Variants in FOXN2 observed in about 807,000 individuals in gnomAD.
The protein encoded by FOXN2 is forkhead box N2.
Under a neutral mutation model 41.2 loss-of-function variants are expected in FOXN2, and 19 were observed. That is an observed-to-expected ratio of 0.46 (90% CI 0.32 to 0.68). The LOEUF is 0.68. Ranked by LOEUF, FOXN2 falls within the 30% of genes least tolerant of loss-of-function variation. The pLI, the probability that FOXN2 is intolerant of heterozygous loss-of-function variation, is 0.03. For synonymous variants in FOXN2, 195 were observed against 176.8 expected (o/e 1.10, Z -0.82); for missense variants, 587 against 509.4 (o/e 1.15, Z -1.47).
Position 48,375,573 on chromosome 2 carries a change from T to C in FOXN2, c.*130T>C, listed in dbSNP as rs1236793569. 9.9e-6 allele frequency: 10 copies of C among 1,008,658 alleles called. No individual in the cohort carries two copies. In the East Asian group the frequency reaches 2.1e-4, roughly 21 times the overall value. The allele number at this position is 1,008,658 out of a possible 1,614,324, so 62.5% of individuals were successfully genotyped here. ...CTTATTTCTTTCAAAACATTTTTGGTTTTTGGTTTTTAAAATTTTTATTAA... is the reference window on the plus strand; with the variant it reads ...CTTATTTCTTTCAAAACATTTTTGGCTTTTGGTTTTTAAAATTTTTATTAA... On this transcript the variant is annotated 3_prime_UTR_variant, in exon 7 of 7. Coordinates refer to ENST00000340553, the MANE Select transcript of FOXN2 (RefSeq NM_002158.4).
rs1311631124 is a variant in FOXN2, at chr2:48,346,283, A to T, written c.69A>T (p.Gly23=). Residue 23 remains glycine (G), a synonymous_variant, in exon 3 of 7, where the codon GGA becomes GGT. Transcript: ENST00000340553. ...CCCCAGGAGCTGAAAAGATTGCAGG[A>T]TTAAGCCAGATTTACAAAATGGGAA... is the stretch of plus-strand genomic sequence containing the variant. ...AETPGAEKIA[G]LSQIYKMGSL... 3.1e-6 allele frequency: 5 copies of T among 1,614,188 alleles called. No homozygotes were observed. Among genetic ancestry groups the T allele is most frequent in the Non-Finnish European group, 3.4e-6 (4 of 1,180,022 alleles).
chr2:48,320,065 G>A (rs1558607990), intron 1 of FOXN2, among the ~76,000 whole-genome samples: 2 of 151,758 alleles, frequency 1.3e-5, no homozygotes. Context: ...TCTTAAAAGA[G>A]GAAATACAGA....
At position 48,375,055 on chromosome 2, in the gene FOXN2, A is replaced by G. The variant is rs759531078; in HGVS notation, c.908A>G (p.Asn303Ser). ...AGCATTGATCCAAAAGAAGATCACA[A>G]TTACAGTGCAAGTAGCATGGCAGCA... Reference protein sequence around the residue: ...ATSIDPKEDHNYSASSMAAQR... With the variant: ...ATSIDPKEDHSYSASSMAAQR... Residue 303 changes from asparagine to serine, a missense_variant, in exon 7 of 7, where the codon AAT becomes AGT. Asn to Ser is a conservative substitution (Grantham distance 46). Coordinates refer to ENST00000340553, the MANE Select transcript of FOXN2 (RefSeq NM_002158.4). 5 of 1,613,974 alleles carry G rather than the reference A, an allele frequency of 3.1e-6. No homozygotes were observed. Among genetic ancestry groups the G allele is most frequent in the African/African-American group, 2.7e-5 (2 of 74,936 alleles).
intron 2 of FOXN2, among the ~76,000 whole-genome samples, chr2:48,345,940 A>G (rs760806217): frequency 1.3e-4 from 20 of 152,188 alleles, no homozygotes; most frequent in Admixed American, 2.6e-4. Flanking sequence ...TTTAAAATAC[A>G]CTATTTAATT....
At chr2:48,373,529 A>G (rs1352993519) in intron 6 of FOXN2, among the ~76,000 whole-genome samples, 169 bp downstream of exon 6, 6 of 152,188 alleles carry the variant, frequency 3.9e-5, no homozygotes, top group African/African-American at 1.4e-4. Flanking sequence ...TATGTGAGCA[A>G]TTGAGAGATT....
In FOXN2 at chr2:48,375,566, T is replaced by G; in HGVS notation, c.*123T>G. The G allele has an allele frequency of 1.0e-6, 1 of 980,478 alleles. No individual in the cohort carries two copies. Among genetic ancestry groups the G allele is most frequent in the East Asian group, 2.6e-5 (1 of 37,812 alleles). The allele number at this position is 980,478 out of a possible 1,614,324, so 60.7% of individuals were successfully genotyped here. Reference sequence around the variant, plus strand: ...CTAATTACTTATTTCTTTCAAAACATTTTTGGTTTTTGGTTTTTAAAATTT... The same window carrying G: ...CTAATTACTTATTTCTTTCAAAACAGTTTTGGTTTTTGGTTTTTAAAATTT... On this transcript the variant is annotated 3_prime_UTR_variant, in exon 7 of 7. Transcript: ENST00000340553.
intron 2 of FOXN2, among the ~76,000 whole-genome samples, chr2:48,337,899 C>T (rs562858201): frequency 4.6e-5 from 7 of 152,026 alleles, no homozygotes; most frequent in Admixed American, 4.6e-4. Flanking sequence ...TGTAATATAT[C>T]TGCCTTAGTA....
rs1424220026 is a variant in FOXN2, at chr2:48,346,258, C to T, written c.44C>T (p.Thr15Ile). 6.2e-7 allele frequency: 1 copy of T among 1,613,770 alleles called. No homozygotes were observed. Among genetic ancestry groups the T allele is most frequent in the Non-Finnish European group, 8.5e-7 (1 of 1,179,886 alleles). The change falls in exon 3 of 7, where the codon ACC (threonine) becomes ATC (isoleucine). Residue 15 changes from threonine to isoleucine, a missense_variant. Coordinates refer to ENST00000340553, the MANE Select transcript of FOXN2 (RefSeq NM_002158.4). The stretch of plus-strand genomic sequence containing the variant: ...ATGACTCCAGATAAGAGAGCTGAAA[C>T]CCCAGGAGCTGAAAAGATTGCAGGA... The part of the protein sequence containing the change: ...IGMTPDKRAE[T>I]PGAEKIAGLS...
intron 1 of FOXN2, among the ~76,000 whole-genome samples, chr2:48,317,977 A>G (rs1288358174): frequency 1.3e-5 from 2 of 152,140 alleles, no homozygotes; most frequent in Non-Finnish European, 2.9e-5. Flanking sequence ...CCACTAATAT[A>G]AAGGGATCAA....
Position 48,378,322 on chromosome 2 carries a change from C to G in FOXN2, c.*2879C>G, listed in dbSNP as rs527684681. 1 of 152,220 alleles carries G rather than the reference C, an allele frequency of 6.6e-6. No homozygotes were observed. Among genetic ancestry groups the G allele is most frequent in the Non-Finnish European group, 1.5e-5 (1 of 67,888 alleles). 9.4% of individuals were successfully genotyped at this position (152,220 alleles called of 1,614,324 possible). Reference sequence around the variant, plus strand: ...TCCACCTTCAAGCCTTTCCTGTCCTCATAGCCAGCATGACTTCTTTTAACT... The same window carrying G: ...TCCACCTTCAAGCCTTTCCTGTCCTGATAGCCAGCATGACTTCTTTTAACT... On this transcript the variant is annotated 3_prime_UTR_variant, in exon 7 of 7. Coordinates refer to ENST00000340553, the MANE Select transcript of FOXN2 (RefSeq NM_002158.4).
intron 5 of FOXN2, among the ~76,000 whole-genome samples, chr2:48,370,030 A>G (rs1672785423): frequency 2.6e-5 from 4 of 152,064 alleles, no homozygotes; most frequent in Non-Finnish European, 4.4e-5. Flanking sequence ...AAAAAAGAAA[A>G]ATTAGTTTAT....
intron 5 of FOXN2, among the ~76,000 whole-genome samples, chr2:48,370,812 G>A (rs191324158): frequency 5.6e-4 from 85 of 152,114 alleles, no homozygotes; most frequent in African/African-American, 1.8e-3. Flanking sequence ...ATATAATTAC[G>A]TTTATTTTTG....
At chr2:48,346,881 A>T in intron 3 of FOXN2, 130 bp downstream of exon 3, 1 of 694,786 alleles carries the variant, frequency 1.4e-6, no homozygotes, top group Non-Finnish European at 2.2e-6. Context: ...ACTGAATTAT[A>T]TTCATTTGTT....
upstream of FOXN2, among the ~76,000 whole-genome samples, chr2:48,314,201 A>T (rs905991889): frequency 6.6e-6 from 1 of 152,256 alleles, no homozygotes; most frequent in Non-Finnish European, 1.5e-5. Context: ...AGGTCTCCTC[A>T]GCCCGGGCAC....
At chr2:48,360,954 C>T (rs1434393953) in intron 4 of FOXN2, among the ~76,000 whole-genome samples, 2 of 148,424 alleles carry the variant, frequency 1.3e-5, no homozygotes, top group Non-Finnish European at 3.0e-5. Context: ...GCAGATGTTG[C>T]AATGAGCCAA....
rs377058879 is a variant in FOXN2, at chr2:48,346,523, C to T, written c.309C>T (p.Asn103=). ...VPSFGPACYQ[N]PEKKSATSKP... ...CCTTTGGACCAGCTTGCTACCAGAACCCAGAAAAAAAATCAGCGACTTCAA... is the reference window on the plus strand; with the variant it reads ...CCTTTGGACCAGCTTGCTACCAGAATCCAGAAAAAAAATCAGCGACTTCAA... Residue 103 remains asparagine, a synonymous_variant, in exon 3 of 7, where the codon AAC becomes AAT. Transcript: ENST00000340553. 1.6e-4 allele frequency: 265 copies of T among 1,613,058 alleles called. No individual in the cohort carries two copies. The highest frequency in any genetic ancestry group is 2.0e-4 in the Non-Finnish European group (238 of 1,179,692).
chr2:48,334,924 A>G (rs1206474935), intron 2 of FOXN2, among the ~76,000 whole-genome samples: 1 of 152,234 alleles, frequency 6.6e-6, no homozygotes, highest in African/African-American at 2.4e-5. Flanking sequence ...GCTACCACAA[A>G]CCAGCTCTCA....
intron 2 of FOXN2, among the ~76,000 whole-genome samples, chr2:48,337,055 CT>C (rs200701986): frequency 0.16 from 22,401 of 143,502 alleles, 1,778 homozygotes; most frequent in East Asian, 0.45. Context: ...GTCTTATTCA[CT>C]TTTTTTTTTT....
At chr2:48,363,955 G>A (rs942113009) in intron 5 of FOXN2, among the ~76,000 whole-genome samples, 3 of 152,102 alleles carry the variant, frequency 2.0e-5, no homozygotes, top group African/African-American at 4.8e-5. Flanking sequence ...AAGAGATGGC[G>A]TCTTGCCATG....
Sources: allele counts gnomAD v4.1 joint callset (sites outside exome capture counted in the v4.1 genomes callset), GRCh38; gene constraint gnomAD v4.1.1; transcripts MANE v1.5; gene names NCBI Gene and HGNC (gene_info 2026-07-23, HGNC 2026-07-21).